Variants in CENPE observed in about 807,000 individuals in gnomAD.
CENPE encodes centromere protein E, also known as centromere-associated protein E.
CENPE carries 145 observed loss-of-function variants against 336.1 expected under a neutral mutation model. The ratio of observed to expected loss-of-function variants is 0.43; its 90% CI spans 0.38 to 0.50. CENPE has a LOEUF of 0.50. CENPE is among the 20% of genes least tolerant of loss of function. The pLI is 0.00. For synonymous variants in CENPE, 1,013 were observed against 984.8 expected (o/e 1.03, Z -0.54); for missense variants, 2,719 against 3,023.3 (o/e 0.90, Z 2.36).
intron 3 of CENPE, 48 bp from the exon 4 acceptor site, chr4:103,196,086 A>T (rs1291805663): frequency 4.4e-6 from 7 of 1,583,480 alleles, no homozygotes; most frequent in Non-Finnish European, 6.1e-6. Context: ...ACAAACCTAT[A>T]ATGGGTAAAA....
At chr4:103,119,601 A>G (rs1750430696) in intron 44 of CENPE, among the ~76,000 whole-genome samples, 1 of 152,226 alleles carries the variant, frequency 6.6e-6, no homozygotes, top group Non-Finnish European at 1.5e-5. Context: ...GCAAATTTAA[A>G]TATGCCAATT....
intron 44 of CENPE, among the ~76,000 whole-genome samples, chr4:103,119,480 G>T (rs192392022): frequency 1.3e-4 from 20 of 152,246 alleles, no homozygotes; most frequent in Admixed American, 3.3e-4. Context: ...CTCTGCTCAT[G>T]TCTCACTGAA....
rs1281893079 is a variant in CENPE at position 103,120,329 on chromosome 4, A to G, written c.7148T>C (p.Ile2383Thr). The change falls in exon 44 of 49, where the codon ATT becomes ACT. Residue 2383 changes from isoleucine (I) to threonine (T), a missense_variant. Ile to Thr is a moderately conservative substitution (Grantham distance 89). Around this residue, in one of 5 missense-constraint regions of CENPE, gnomAD observed 2,437 missense variants for 2,513.3 expected, o/e 0.97. Transcript: ENST00000265148. ...ATGCAGTGAATTTTCCAGCTCTCGA[A>G]TTTTCTATTAGAAAAAGCACACATT... ...SRATQLTTEK[I>T]RELENSLHEA... The G allele has an allele frequency of 1.2e-6, 2 of 1,605,230 alleles. No homozygotes were observed. The highest frequency in any genetic ancestry group is 1.7e-5 in the Admixed American group (1 of 57,964).
In CENPE at chr4:103,158,295, T is replaced by G; in HGVS notation, c.3033+5A>C. The G allele has an allele frequency of 6.2e-7, 1 of 1,600,796 alleles. No individual in the cohort carries two copies. Among genetic ancestry groups the G allele is most frequent in the Non-Finnish European group, 8.5e-7 (1 of 1,174,696 alleles). The stretch of plus-strand genomic sequence containing the variant: ...ATGAAAACTCTGAAAATAAACACCC[T>G]TTACCTTTTGCTGAAATTCATCTTT... On this transcript the variant is annotated splice_donor_5th_base_variant and intron_variant, in intron 24 of 48. Coordinates refer to ENST00000265148, the MANE Select transcript of CENPE (RefSeq NM_001813.3).
At chr4:103,162,469 T>C (rs544980447) in intron 18 of CENPE, among the ~76,000 whole-genome samples, 62 of 152,260 alleles carry the variant, frequency 4.1e-4, no homozygotes, top group East Asian at 3.9e-3. Context: ...AGCTATAAAA[T>C]TGTGAAAAAA....
chr4:103,109,219 AT>A, intron 47 of CENPE, 130 bp from the exon 48 acceptor site: 1 of 765,680 alleles, frequency 1.3e-6, no homozygotes, highest in Non-Finnish European at 1.9e-6. Flanking sequence ...ATTTTATCAC[AT>A]TTACATTTTA....
intron 46 of CENPE, among the ~76,000 whole-genome samples, chr4:103,111,703 T>C (rs1260169662): frequency 1.3e-5 from 2 of 152,096 alleles, no homozygotes; most frequent in Admixed American, 6.6e-5. Flanking sequence ...AAATCAAGAA[T>C]AAATATCCTC....
intron 8 of CENPE, among the ~76,000 whole-genome samples, chr4:103,192,042 G>A (rs1757400684): frequency 6.6e-6 from 1 of 151,960 alleles, no homozygotes. Flanking sequence ...GTGAAGGGGT[G>A]TCTTGTTTAT....
chr4:103,113,510 TTATAA>T (rs982690881), intron 46 of CENPE, among the ~76,000 whole-genome samples: 4 of 140,554 alleles, frequency 2.8e-5, no homozygotes, highest in African/African-American at 1.0e-4. Context: ...CTTATATATA[TTATAA>T]TATATATTAT....
At chr4:103,149,518 T>A in intron 26 of CENPE, 110 bp from the exon 27 acceptor site, 1 of 944,496 alleles carries the variant, frequency 1.1e-6, no homozygotes, top group East Asian at 2.7e-5. Flanking sequence ...GTAAGTAGCA[T>A]TAAAAGTAAA....
intron 47 of CENPE, among the ~76,000 whole-genome samples, chr4:103,109,361 T>C (rs183521086): frequency 2.6e-5 from 4 of 152,262 alleles, no homozygotes; most frequent in Admixed American, 1.3e-4. Flanking sequence ...AGTACAACAT[T>C]AGGTTTTCAA....
In CENPE at chr4:103,106,211, C is replaced by T; in HGVS notation, c.*11G>A. The T allele has an allele frequency of 6.5e-7, 1 of 1,533,012 alleles. No individual in the cohort carries two copies. The highest frequency in any genetic ancestry group is 8.8e-7 in the Non-Finnish European group (1 of 1,131,004). The allele number at this position is 1,533,012 out of a possible 1,614,324, so 95.0% of individuals were successfully genotyped here. On this transcript the variant is annotated 3_prime_UTR_variant, in exon 49 of 49. Coordinates refer to ENST00000265148, the MANE Select transcript of CENPE (RefSeq NM_001813.3). ...GAATGCTGGATCTCCAGAGAAGTGA[C>T]AAAGAGGAGTCTACTGAGTTTTGCA...
intron 28 of CENPE, 69 bp downstream of exon 28, chr4:103,148,775 T>C (rs967528051): frequency 7.0e-7 from 1 of 1,430,914 alleles, no homozygotes; most frequent in Non-Finnish European, 9.6e-7. Flanking sequence ...TACTTCTTAC[T>C]GCTTATCTTT....
At chr4:103,127,111 A>C (rs1048908647) in intron 42 of CENPE, among the ~76,000 whole-genome samples, 7 of 150,840 alleles carry the variant, frequency 4.6e-5, no homozygotes, top group South Asian at 2.1e-4. Flanking sequence ...AAAAAAAAAA[A>C]ACCAAAAAAA....
At chr4:103,176,602 C>T (rs1223550235) in intron 14 of CENPE, among the ~76,000 whole-genome samples, 3 of 152,138 alleles carry the variant, frequency 2.0e-5, no homozygotes, top group African/African-American at 7.2e-5. Flanking sequence ...TCACTCTTGT[C>T]ACCCAGGCTG....
In CENPE at chr4:103,147,529, T is replaced by C; in HGVS notation, c.3961A>G (p.Thr1321Ala). ...TCCATTTCTATTCTTGCCAGTGTTGTTGAGTCCTTGGTTGTGGACTGTTCT... is the reference window on the plus strand; with the variant it reads ...TCCATTTCTATTCTTGCCAGTGTTGCTGAGTCCTTGGTTGTGGACTGTTCT... The part of the protein sequence containing the change: ...LTEQSTTKDS[T>A]TLARIEMERL... Residue 1321 changes from threonine (T) to alanine (A), a missense_variant, in exon 29 of 49, where the codon ACA (threonine) becomes GCA (alanine). Transcript: ENST00000265148. The C allele has an allele frequency of 1.9e-6, 3 of 1,614,118 alleles. No individual in the cohort carries two copies. Among genetic ancestry groups the C allele is most frequent in the South Asian group, 2.2e-5 (2 of 91,088 alleles).
chr4:103,122,788 A>G (rs1750751716), intron 43 of CENPE, 83 bp downstream of exon 43: 1 of 979,740 alleles, frequency 1.0e-6, no homozygotes, highest in Admixed American at 2.0e-5. Context: ...GTTCATGTTC[A>G]GTAATAAGTA....
Position 103,123,069 on chromosome 4 carries a change from T to C in CENPE, c.6945A>G (p.Thr2315=). ...TGGTAGCACTTCTTTCCTCAAACTC[T>C]GTTGATTCATTCATTATGGCCTATT... The part of the protein sequence containing the change: ...NRIIAIMNES[T]EFEERSATIS... Residue 2315 remains threonine, a synonymous_variant, in exon 43 of 49, where the codon ACA becomes ACG. Transcript: ENST00000265148. The C allele has an allele frequency of 6.2e-7, 1 of 1,613,706 alleles. No individual in the cohort carries two copies. The highest frequency in any genetic ancestry group is 1.1e-5 in the South Asian group (1 of 91,064).
intron 44 of CENPE, among the ~76,000 whole-genome samples, chr4:103,116,907 G>C (rs890374613): frequency 3.3e-5 from 5 of 151,766 alleles, no homozygotes; most frequent in Admixed American, 3.3e-4. Context: ...TTTTTATTTG[G>C]AGCTATCATA....
Sources: gnomAD v4.1 joint callset for allele counts (sites outside exome capture counted in the v4.1 genomes callset) on GRCh38, gnomAD v4.1.1 for gene constraint, gnomAD v4.1.1 regional missense constraint, MANE v1.5 for transcripts, NCBI Gene and HGNC (gene_info 2026-07-23, HGNC 2026-07-21) for gene names.